LIN28B: variants seen among roughly 807,000 people sequenced by gnomAD.
LIN28B encodes the protein protein lin-28 homolog B.
A neutral mutation model predicts 21.9 loss-of-function variants in LIN28B; 5 were observed. The ratio of observed to expected loss-of-function variants is 0.23; its 90% CI spans 0.12 to 0.48. The LOEUF (loss-of-function observed/expected upper bound fraction) is 0.48, where lower values mean the gene tolerates loss of function less well. Ranked by LOEUF, LIN28B falls within the 20% of genes least tolerant of loss-of-function variation. The pLI, the probability that LIN28B is intolerant of heterozygous loss-of-function variation, is 0.98. For synonymous variants in LIN28B, 109 were observed against 111.3 expected (o/e 0.98, Z 0.13); for missense variants, 245 against 310.5 (o/e 0.79, Z 1.58).
chr6:104,941,119 G>A (rs923413975), intron 2 of LIN28B: 3 of 152,240 alleles, frequency 2.0e-5, no homozygotes, highest in Non-Finnish European at 4.4e-5. Context: ...AACGTCGAGG[G>A]GAGCTCCGTG....
chr6:105,038,496 C>T (rs2114361434), intron 3 of LIN28B, among the ~76,000 whole-genome samples: 1 of 152,276 alleles, frequency 6.6e-6, no homozygotes, highest in Non-Finnish European at 1.5e-5. Context: ...CTGGGACCTG[C>T]TGGGCAGGTC....
rs1772196020 is a variant in LIN28B at position 105,065,077 on chromosome 6, C to G, written c.384-13337C>G. On this transcript the variant is annotated intron_variant, in intron 3 of 3. Transcript: ENST00000345080. ...GATTCAACGGCTCTTCCCATACTTA[C>G]CTTCAGATTTTACCTCCACCAGTGG... 2.0e-5 allele frequency among the ~76,000 whole-genome samples: 3 copies of G among 152,310 alleles called. No homozygotes were observed. In the South Asian group the frequency reaches 6.2e-4, roughly 32 times the overall value.
chr6:104,958,640 C>A (rs1769638958), intron 2 of LIN28B, among the ~76,000 whole-genome samples: 1 of 152,052 alleles, frequency 6.6e-6, no homozygotes, highest in Non-Finnish European at 1.5e-5. Context: ...AATGAAGAAA[C>A]ATGATCATTT....
chr6:105,072,399 TATTTCTG>T (rs1772349201), intron 3 of LIN28B, among the ~76,000 whole-genome samples: 1 of 152,154 alleles, frequency 6.6e-6, no homozygotes, highest in African/African-American at 2.4e-5. Context: ...ACCTGTTTAT[TATTTCTG>T]TTATTACCAT....
At chr6:105,031,383 T>C (rs1318935932) in intron 3 of LIN28B, among the ~76,000 whole-genome samples, 1 of 152,078 alleles carries the variant, frequency 6.6e-6, no homozygotes, top group Non-Finnish European at 1.5e-5. Flanking sequence ...AAAATAATGA[T>C]ATTAAATAAT....
chr6:104,989,879 G>A (rs1582881541), intron 2 of LIN28B, among the ~76,000 whole-genome samples: 1 of 152,062 alleles, frequency 6.6e-6, no homozygotes, highest in Non-Finnish European at 1.5e-5. Context: ...ACAAGCATGA[G>A]CCACCATGCC....
intron 2 of LIN28B, among the ~76,000 whole-genome samples, chr6:105,019,419 C>T (rs777417242): frequency 3.9e-5 from 6 of 152,214 alleles, no homozygotes; most frequent in South Asian, 2.1e-4. Flanking sequence ...AATATTTTAC[C>T]GCTTGCCTGG....
At chr6:104,946,711 A>G (rs916069024) in intron 2 of LIN28B, among the ~76,000 whole-genome samples, 1 of 152,198 alleles carries the variant, frequency 6.6e-6, no homozygotes. Context: ...TAGGAAAGAA[A>G]AATGTGTGTT....
At chr6:105,030,387 T>C (rs889056446) in intron 3 of LIN28B, among the ~76,000 whole-genome samples, 2 of 152,166 alleles carry the variant, frequency 1.3e-5, no homozygotes, top group African/African-American at 4.8e-5. Flanking sequence ...TCTTTCATGG[T>C]TATTTCCTGA....
chr6:105,002,699 G>C (rs973024414), intron 2 of LIN28B, among the ~76,000 whole-genome samples: 1 of 152,162 alleles, frequency 6.6e-6, no homozygotes, highest in African/African-American at 2.4e-5. Context: ...CGTCAATATT[G>C]CTTCATCTGT....
At chr6:105,035,965 T>A (rs1320007606) in intron 3 of LIN28B, among the ~76,000 whole-genome samples, 1 of 152,068 alleles carries the variant, frequency 6.6e-6, no homozygotes, top group Non-Finnish European at 1.5e-5. Flanking sequence ...GGGAAAAAAA[T>A]AGTTTTAAAA....
intron 2 of LIN28B, among the ~76,000 whole-genome samples, chr6:104,973,808 C>G (rs1770027213): frequency 6.6e-6 from 1 of 152,220 alleles, no homozygotes; most frequent in South Asian, 2.1e-4. Flanking sequence ...TTCTTTACCA[C>G]ATTTCTGTCT....
intron 2 of LIN28B, among the ~76,000 whole-genome samples, chr6:105,019,357 C>T (rs1771090702): frequency 6.6e-6 from 1 of 152,194 alleles, no homozygotes; most frequent in African/African-American, 2.4e-5. Context: ...CCAGTTTTTA[C>T]ACCAGTGGTC....
In LIN28B at chr6:105,080,731, TAAG is replaced by T. The variant is rs1167940333; in HGVS notation, c.*1949_*1951del. ...ATTGCTTAATTTTTAGCAGGCATAATAAGCAAGTTAACAGTAAAATGCAAAACA... is the reference window on the plus strand; with the variant it reads ...ATTGCTTAATTTTTAGCAGGCATAATCAAGTTAACAGTAAAATGCAAAACA... On this transcript the variant is annotated 3_prime_UTR_variant, in exon 4 of 4. Transcript: ENST00000345080. The T allele has an allele frequency of 3.3e-5, 5 of 152,634 alleles. No individual in the cohort carries two copies. The highest frequency in any genetic ancestry group is 3.3e-4 in the Admixed American group (5 of 15,280). The allele number at this position is 152,634 out of a possible 1,614,324, so 9.5% of individuals were successfully genotyped here.
rs61464567 is a variant in LIN28B at position 105,050,608 on chromosome 6, CAAAAAA to C, written c.383+24147_383+24152del. 4.2e-3 allele frequency among the ~76,000 whole-genome samples: 199 copies of C among 47,608 alleles called. 1 individual carries two copies. In the Middle Eastern group the frequency reaches 0.13, roughly 31 times the overall value. The allele number at this position is 47,608 out of a possible 152,430, so 31.2% of individuals were successfully genotyped here. A position where few individuals can be genotyped will look rare whatever the true frequency, so the allele number is the denominator to read the frequency against. ...TGGGCGACAGAGCGAGACTCCGTCT[CAAAAAA>C]AAAAAAAAAAAAAAAAAAAAGAATG... On this transcript the variant is annotated intron_variant, in intron 3 of 3. Transcript: ENST00000345080.
At chr6:105,050,696 T>A (rs1341424224) in intron 3 of LIN28B, among the ~76,000 whole-genome samples, 3 of 149,684 alleles carry the variant, frequency 2.0e-5, no homozygotes, top group Non-Finnish European at 4.4e-5. Flanking sequence ...AGAGATCTGC[T>A]GTTAGTCTGA....
At chr6:104,983,177 G>A (rs1770261745) in intron 2 of LIN28B, among the ~76,000 whole-genome samples, 9 of 152,202 alleles carry the variant, frequency 5.9e-5, no homozygotes, top group Admixed American at 3.9e-4. Context: ...AAGCTGGCAA[G>A]GGGATGGCTT....
Position 105,080,587 on chromosome 6 carries a change from G to A in LIN28B, c.*1804G>A, listed in dbSNP as rs1165639862. On this transcript the variant is annotated 3_prime_UTR_variant, in exon 4 of 4. Transcript: ENST00000345080. ...GTGGTATACACTGAAATATCGGTGT[G>A]CTGTGATGCAAAGCTTACCTTTGAC... The A allele has an allele frequency of 6.6e-6, 1 of 152,600 alleles. No homozygotes were observed. The highest frequency in any genetic ancestry group is 2.4e-5 in the African/African-American group (1 of 41,444). 9.5% of individuals were successfully genotyped at this position (152,600 alleles called of 1,614,324 possible). A position where few individuals can be genotyped will look rare whatever the true frequency, so the allele number is the denominator to read the frequency against.
intron 3 of LIN28B, among the ~76,000 whole-genome samples, chr6:105,059,037 C>T (rs9391264): frequency 0.13 from 20,024 of 152,024 alleles, 1,806 homozygotes; most frequent in East Asian, 0.37. Context: ...GATACTGGCG[C>T]TATGGTTTAA....
Sources: allele counts gnomAD v4.1 joint callset (sites outside exome capture counted in the v4.1 genomes callset), GRCh38; gene constraint gnomAD v4.1.1; transcripts MANE v1.5; gene names NCBI Gene and HGNC (gene_info 2026-07-23, HGNC 2026-07-21).